PSMD11: variants seen among roughly 807,000 people sequenced by gnomAD.
The protein encoded by PSMD11 is 26S proteasome non-ATPase regulatory subunit 11.
PSMD11 carries 5 observed loss-of-function variants against 62.3 expected under a neutral mutation model. The observed-to-expected ratio is 0.08, with a 90% confidence interval of 0.04 to 0.17. PSMD11 has a LOEUF of 0.17. Ranked by LOEUF, PSMD11 falls within the 10% of genes least tolerant of loss-of-function variation. The probability of loss-of-function intolerance (pLI) is 1.00; values close to 1 mark genes in which losing one functional copy is unlikely to be tolerated. For synonymous variants in PSMD11, 191 were observed against 191.8 expected (o/e 1.00, Z 0.03); for missense variants, 310 against 512.9 (o/e 0.60, Z 3.82).
At chr17:32,475,166 T>C (rs1908281299) in intron 8 of PSMD11, among the ~76,000 whole-genome samples, 1 of 152,184 alleles carries the variant, frequency 6.6e-6, no homozygotes, top group South Asian at 2.1e-4. Flanking sequence ...GTATGAAATC[T>C]TAGATTCTCC....
At chr17:32,447,772 GGTAA>G (rs1907372534) in intron 2 of PSMD11, among the ~76,000 whole-genome samples, 1 of 152,020 alleles carries the variant, frequency 6.6e-6, no homozygotes, top group South Asian at 2.1e-4. Flanking sequence ...ATTAAGATCT[GGTAA>G]GTGACCTCAT....
rs1204360495 is a variant in PSMD11 at position 32,469,108 on chromosome 17, C to T, written c.558C>T (p.Ala186=). Reference sequence around the variant, plus strand: ...ATGCCCTGAGCAACCTGCCGAAAGCCCGAGCTGCCTTAACTTCTGCTCGAA... The same window carrying T: ...ATGCCCTGAGCAACCTGCCGAAAGCTCGAGCTGCCTTAACTTCTGCTCGAA... The part of the protein sequence containing the change: ...TYHALSNLPK[A]RAALTSARTT... The change falls in exon 6 of 14, where the codon GCC becomes GCT. Residue 186 remains alanine, a synonymous_variant. Coordinates refer to ENST00000261712, the MANE Select transcript of PSMD11 (RefSeq NM_002815.4). The T allele has an allele frequency of 1.2e-6, 2 of 1,613,956 alleles. No individual in the cohort carries two copies. The highest frequency in any genetic ancestry group is 1.7e-6 in the Non-Finnish European group (2 of 1,180,026).
chr17:32,479,114 A>C, intron 9 of PSMD11, 137 bp from the exon 10 acceptor site: 1 of 1,179,088 alleles, frequency 8.5e-7, no homozygotes, highest in Admixed American at 2.4e-5. Context: ...GCTTTGTATC[A>C]TGCATCTCCC....
intron 6 of PSMD11, among the ~76,000 whole-genome samples, chr17:32,469,772 T>G (rs1169928402): frequency 6.6e-6 from 1 of 152,124 alleles, no homozygotes; most frequent in Non-Finnish European, 1.5e-5. Flanking sequence ...CGAGTTTAAG[T>G]GCTTGTGTTA....
intron 8 of PSMD11, among the ~76,000 whole-genome samples, chr17:32,475,660 C>T (rs1908295647): frequency 6.7e-6 from 1 of 148,622 alleles, no homozygotes; most frequent in South Asian, 2.1e-4. Flanking sequence ...AGTGCAGTGG[C>T]GTATCTCGGC....
At position 32,477,492 on chromosome 17, in the gene PSMD11, G is replaced by A. The variant is rs143553620; in HGVS notation, c.850-29G>A. 1,168 of 1,573,404 alleles carry A rather than the reference G, an allele frequency of 7.4e-4. 12 individuals are homozygous for A. The African/African-American group carries it at 0.014, about 19-fold the overall frequency. On this transcript the variant is annotated intron_variant, in intron 8 of 13. Transcript: ENST00000261712. The stretch of plus-strand genomic sequence containing the variant: ...TAAATGTTAGTGTGCAGAATAAATC[G>A]CTTTCATGGTTTGTCTCTTTATTCT...
chr17:32,462,056 A>G (rs965423668), intron 3 of PSMD11, among the ~76,000 whole-genome samples: 3 of 152,228 alleles, frequency 2.0e-5, no homozygotes, highest in Non-Finnish European at 4.4e-5. Flanking sequence ...GCAGGAGTAT[A>G]ATTCATTGTT....
intron 2 of PSMD11, among the ~76,000 whole-genome samples, chr17:32,451,475 T>G (rs1353985184): frequency 1.3e-5 from 2 of 152,208 alleles, no homozygotes; most frequent in African/African-American, 4.8e-5. Context: ...CCATATATTA[T>G]TCTGAGAAAA....
intron 2 of PSMD11, among the ~76,000 whole-genome samples, chr17:32,449,548 A>G (rs546223452): frequency 7.2e-5 from 11 of 152,288 alleles, no homozygotes; most frequent in Admixed American, 5.9e-4. Flanking sequence ...TTCCTATTTT[A>G]TATGTATTCT....
rs145722123 is a variant in PSMD11 at position 32,478,943 on chromosome 17, T to A, written c.913-308T>A. Reference sequence around the variant, plus strand: ...AGAGACTACCATAAAATAGCATTTTTAAAAATTTATTTTTAGAGATGGAGG... The same window carrying A: ...AGAGACTACCATAAAATAGCATTTTAAAAAATTTATTTTTAGAGATGGAGG... On this transcript the variant is annotated intron_variant, in intron 9 of 13. Transcript: ENST00000261712. Among the ~76,000 whole-genome samples the A allele has an allele frequency of 6.4e-3, 979 of 152,294 alleles. 3 individuals are homozygous for A. Among genetic ancestry groups the A allele is most frequent in the Non-Finnish European group, 0.011 (753 of 68,020 alleles).
intron 3 of PSMD11, among the ~76,000 whole-genome samples, chr17:32,458,833 A>G (rs903993132): frequency 6.6e-6 from 1 of 151,730 alleles, no homozygotes; most frequent in Non-Finnish European, 1.5e-5. Flanking sequence ...TCTTAACAGG[A>G]TTTTTTTTCT....
chr17:32,478,068 A>G (rs1194370556), intron 9 of PSMD11, among the ~76,000 whole-genome samples: 1 of 152,184 alleles, frequency 6.6e-6, no homozygotes, highest in African/African-American at 2.4e-5. Flanking sequence ...ACCCAAAGAA[A>G]CGTCCTCAGG....
intron 1 of PSMD11, among the ~76,000 whole-genome samples, chr17:32,446,490 G>A (rs528670915): frequency 5.5e-4 from 84 of 152,242 alleles, no homozygotes; most frequent in African/African-American, 1.8e-3. Context: ...TTATTGAAAC[G>A]CTTTTGACTT....
chr17:32,473,089 C>T (rs1285202317), intron 6 of PSMD11, among the ~76,000 whole-genome samples: 1 of 150,200 alleles, frequency 6.7e-6, no homozygotes, highest in East Asian at 2.1e-4. Context: ...ACCCACGAGG[C>T]GGAGGTTGCC....
intron 9 of PSMD11, among the ~76,000 whole-genome samples, chr17:32,478,718 C>CT: frequency 6.6e-6 from 1 of 152,196 alleles, no homozygotes; most frequent in Non-Finnish European, 1.5e-5. Flanking sequence ...CCTCAATGTT[C>CT]TTTTTTTCCC....
chr17:32,460,879 G>A (rs539649931), intron 3 of PSMD11, among the ~76,000 whole-genome samples: 28 of 152,178 alleles, frequency 1.8e-4, no homozygotes, highest in African/African-American at 6.0e-4. Flanking sequence ...GAAAGTGAGG[G>A]CATGTGAGTC....
At chr17:32,465,186 T>A (rs886627604) in intron 5 of PSMD11, among the ~76,000 whole-genome samples, 1 of 152,244 alleles carries the variant, frequency 6.6e-6, no homozygotes, top group South Asian at 2.1e-4. Context: ...AGCAGTGTGA[T>A]CTCAGCTCGC....
At chr17:32,476,252 G>T (rs918775455) in intron 8 of PSMD11, among the ~76,000 whole-genome samples, 4 of 152,118 alleles carry the variant, frequency 2.6e-5, no homozygotes, top group African/African-American at 4.8e-5. Context: ...GGGCGACAGA[G>T]TGAGACTCTG....
chr17:32,457,950 G>A (rs915247396), intron 3 of PSMD11, among the ~76,000 whole-genome samples: 3 of 151,986 alleles, frequency 2.0e-5, no homozygotes, highest in South Asian at 2.1e-4. Context: ...ACAGGTGCCC[G>A]CCACTGCACC....
Sources: gnomAD v4.1 joint callset for allele counts (sites outside exome capture counted in the v4.1 genomes callset) on GRCh38, gnomAD v4.1.1 for gene constraint, MANE v1.5 for transcripts, NCBI Gene and HGNC (gene_info 2026-07-23, HGNC 2026-07-21) for gene names.